The following BTBD9 variants were observed in gnomAD, a reference collection of about 807,000 sequenced individuals.
BTBD9 encodes BTB/POZ domain-containing protein 9.
A neutral mutation model predicts 64.3 loss-of-function variants in BTBD9; 49 were observed. That is an observed-to-expected ratio of 0.76 (90% CI 0.61 to 0.97). The LOEUF is 0.97. Among genes scored for constraint, BTBD9 ranks in the 50% least tolerant of loss-of-function variants. The pLI, the probability that BTBD9 is intolerant of heterozygous loss-of-function variation, is 0.00. For synonymous variants in BTBD9, 260 were observed against 274.7 expected, an observed-to-expected ratio of 0.95 and a Z score of 0.53; for missense variants, 598 against 762.1, an observed-to-expected ratio of 0.78 and a Z score of 2.53.
At chr6:38,555,925 A>C (rs1301631353) in intron 6 of BTBD9, among the ~76,000 whole-genome samples, 1 of 152,204 alleles carries the variant, frequency 6.6e-6, no homozygotes, top group African/African-American at 2.4e-5. Context: ...ACAATCAGTA[A>C]AACACTATAA....
intron 6 of BTBD9, among the ~76,000 whole-genome samples, chr6:38,352,983 A>T (rs1764581829): frequency 6.6e-6 from 1 of 152,256 alleles, no homozygotes; most frequent in Non-Finnish European, 1.5e-5. Flanking sequence ...TTAAAAAATC[A>T]AATAATTATC....
intron 9 of BTBD9, among the ~76,000 whole-genome samples, chr6:38,208,669 C>T (rs9470827): frequency 0.13 from 19,675 of 152,102 alleles, 1,622 homozygotes; most frequent in African/African-American, 0.22. Flanking sequence ...AGTGTGCAGG[C>T]CTCTGTCTAA....
chr6:38,441,409 T>C (rs531007420), intron 6 of BTBD9, among the ~76,000 whole-genome samples: 5 of 152,190 alleles, frequency 3.3e-5, no homozygotes, highest in South Asian at 2.1e-4. Flanking sequence ...AAGAAACTTA[T>C]CACCTTATCC....
chr6:38,595,903 C>T, intron 2 of BTBD9: 2 of 985,370 alleles, frequency 2.0e-6, no homozygotes, highest in Non-Finnish European at 2.4e-6. Context: ...GACTTATCCC[C>T]AATCCTGTAT....
At chr6:38,521,525 A>G (rs1433323656) in intron 6 of BTBD9, among the ~76,000 whole-genome samples, 1 of 152,158 alleles carries the variant, frequency 6.6e-6, no homozygotes, top group African/African-American at 2.4e-5. Flanking sequence ...AAATTCTGAA[A>G]TCTCAAATGC....
At chr6:38,597,880 A>G in intron 2 of BTBD9, 30 bp downstream of exon 2, 2 of 1,598,606 alleles carry the variant, frequency 1.3e-6, no homozygotes, top group Middle Eastern at 3.3e-4. Context: ...CAAGTGAACT[A>G]AATTTTCAAA....
intron 7 of BTBD9, among the ~76,000 whole-genome samples, chr6:38,339,441 C>G (rs1764019277): frequency 6.6e-6 from 1 of 151,626 alleles, no homozygotes; most frequent in African/African-American, 2.4e-5. Flanking sequence ...TCTAGAACAG[C>G]CTGGGCAATA....
At chr6:38,199,157 G>A (rs1762370962) in intron 9 of BTBD9, among the ~76,000 whole-genome samples, 1 of 152,196 alleles carries the variant, frequency 6.6e-6, no homozygotes, top group African/African-American at 2.4e-5. Flanking sequence ...GAGAAGATCT[G>A]AACTCCGGGG....
At chr6:38,496,671 A>AAG (rs912454718) in intron 6 of BTBD9, among the ~76,000 whole-genome samples, 21 of 150,870 alleles carry the variant, frequency 1.4e-4, no homozygotes, top group African/African-American at 3.7e-4. Context: ...AAAAAAAAAA[A>AAG]AGAGAGAGAG....
Position 38,552,465 on chromosome 6 carries a change from C to G in BTBD9, c.1154+25135G>C, listed in dbSNP as rs550831756. ...AGAAGAGTAAGATGGCAAGGCTGGCCCAATCTCAAAGATTAATGAAAAAAT... is the reference window on the plus strand; with the variant it reads ...AGAAGAGTAAGATGGCAAGGCTGGCGCAATCTCAAAGATTAATGAAAAAAT... On this transcript the variant is annotated intron_variant, in intron 6 of 10. Coordinates refer to ENST00000481247, the MANE Select transcript of BTBD9 (RefSeq NM_001099272.2). 9.8e-4 allele frequency among the ~76,000 whole-genome samples: 149 copies of G among 152,130 alleles called. 2 individuals carry two copies. Among genetic ancestry groups the G allele is most frequent in the African/African-American group, 3.4e-3 (141 of 41,494 alleles).
intron 8 of BTBD9, among the ~76,000 whole-genome samples, chr6:38,268,155 A>G (rs577746348): frequency 5.3e-5 from 8 of 152,334 alleles, no homozygotes; most frequent in African/African-American, 1.4e-4. Context: ...CCTAGCCCCA[A>G]CACCATTTTG....
intron 7 of BTBD9, among the ~76,000 whole-genome samples, chr6:38,315,109 A>C (rs745344781): frequency 2.0e-5 from 3 of 152,184 alleles, no homozygotes; most frequent in Non-Finnish European, 4.4e-5. Flanking sequence ...CAGCCTCCCA[A>C]AGTGCTGGGA....
chr6:38,320,242 C>G (rs886539097), intron 7 of BTBD9, among the ~76,000 whole-genome samples: 8 of 152,200 alleles, frequency 5.3e-5, no homozygotes, highest in Non-Finnish European at 1.2e-4. Flanking sequence ...TGACCACTCA[C>G]CTGATTTTTC....
intron 6 of BTBD9, among the ~76,000 whole-genome samples, chr6:38,501,296 A>G (rs1417193694): frequency 1.3e-5 from 2 of 152,144 alleles, no homozygotes; most frequent in Non-Finnish European, 2.9e-5. Context: ...TGCTCATTGG[A>G]GCATTTCAGA....
Position 38,597,071 on chromosome 6 carries a change from G to A in BTBD9, c.185+839C>T, listed in dbSNP as rs548630431. ...TACATGTGTAAGATTGGAAGTTCAT[G>A]AAAAACCATAGGAGCTCTAGCTACA... On this transcript the variant is annotated intron_variant, in intron 2 of 10. Transcript: ENST00000481247. Among the ~76,000 whole-genome samples, 3 of 152,280 alleles carry A rather than the reference G, an allele frequency of 2.0e-5. No homozygotes were observed. The South Asian group carries it at 6.2e-4, about 32-fold the overall frequency.
At chr6:38,189,213 C>T (rs926565) in intron 10 of BTBD9, among the ~76,000 whole-genome samples, 55,952 of 151,950 alleles carry the variant, frequency 0.37, 10,887 homozygotes, top group Non-Finnish European at 0.44. Flanking sequence ...TGCGGCCCTC[C>T]CCAGCTCCAC....
chr6:38,537,290 T>C (rs141245115), intron 6 of BTBD9, among the ~76,000 whole-genome samples: 1 of 152,220 alleles, frequency 6.6e-6, no homozygotes, highest in Admixed American at 6.5e-5. Flanking sequence ...ACAATAGCCA[T>C]ACTCTTAACC....
chr6:38,425,857 CAGTGAG>C (rs1215101476), intron 6 of BTBD9, among the ~76,000 whole-genome samples: 16 of 112,402 alleles, frequency 1.4e-4, no homozygotes, highest in African/African-American at 5.9e-4. Context: ...GTCAAGGCTG[CAGTGAG>C]CCATAATTAA....
At chr6:38,193,711 C>CT in intron 9 of BTBD9, 1 of 643,262 alleles carries the variant, frequency 1.6e-6, no homozygotes, top group Non-Finnish European at 1.9e-6. Context: ...GCCATCCCTC[C>CT]TCCGCTCTCA....
Sources: allele counts gnomAD v4.1 joint callset (sites outside exome capture counted in the v4.1 genomes callset), GRCh38; gene constraint gnomAD v4.1.1; transcripts MANE v1.5; gene names NCBI Gene and HGNC (gene_info 2026-07-23, HGNC 2026-07-21).